GRID1: variants seen among roughly 807,000 people sequenced by gnomAD.
GRID1 encodes the protein glutamate receptor ionotropic, delta-1.
Under a neutral mutation model 98.0 loss-of-function variants are expected in GRID1, and 28 were observed. The observed-to-expected ratio is 0.29, with a 90% CI of 0.21 to 0.39. The LOEUF (loss-of-function observed/expected upper bound fraction) is 0.39, where lower values mean the gene tolerates loss of function less well. Ranked by LOEUF, GRID1 falls within the 10% of genes least tolerant of loss-of-function variation. GRID1 has a pLI of 1.00. For synonymous variants in GRID1, 553 were observed against 538.5 expected, an observed-to-expected ratio of 1.03 and a Z score of -0.37; for missense variants, 1,111 against 1,340.5, an observed-to-expected ratio of 0.83 and a Z score of 2.67.
At chr10:86,144,412 G>T (rs2061041160) in intron 3 of GRID1, among the ~76,000 whole-genome samples, 1 of 152,180 alleles carries the variant, frequency 6.6e-6, no homozygotes, top group Non-Finnish European at 1.5e-5. Flanking sequence ...GGAACTGCCA[G>T]GAAAGGAAGC....
intron 4 of GRID1, among the ~76,000 whole-genome samples, chr10:86,009,291 C>G (rs1465795926): frequency 6.6e-6 from 1 of 152,024 alleles, no homozygotes; most frequent in African/African-American, 2.4e-5. Context: ...CAACTCAATA[C>G]CACAAACGAA....
chr10:85,747,224 A>G (rs1438098945), intron 8 of GRID1, among the ~76,000 whole-genome samples: 1 of 152,058 alleles, frequency 6.6e-6, no homozygotes. Context: ...TCCTCACAAA[A>G]TGCTTCCTAT....
intron 2 of GRID1, among the ~76,000 whole-genome samples, chr10:86,334,215 C>T (rs1197939411): frequency 6.6e-6 from 1 of 152,130 alleles, no homozygotes; most frequent in African/African-American, 2.4e-5. Flanking sequence ...ATAGCACCTG[C>T]TCACATATCA....
At chr10:86,300,071 C>T (rs1847659489) in intron 2 of GRID1, among the ~76,000 whole-genome samples, 2 of 152,102 alleles carry the variant, frequency 1.3e-5, no homozygotes, top group African/African-American at 4.8e-5. Flanking sequence ...TTACATCCAA[C>T]ACCTGGTGTC....
chr10:85,846,587 C>T (rs2131775113), intron 8 of GRID1, among the ~76,000 whole-genome samples: 1 of 151,506 alleles, frequency 6.6e-6, no homozygotes, highest in African/African-American at 2.4e-5. Context: ...AAAAAAAATA[C>T]AAAACATGAT....
At chr10:86,173,126 C>A (rs879558243) in intron 3 of GRID1, among the ~76,000 whole-genome samples, 1 of 152,218 alleles carries the variant, frequency 6.6e-6, no homozygotes, top group Non-Finnish European at 1.5e-5. Flanking sequence ...CAGCCTTGAT[C>A]TCCTGGACTC....
At chr10:85,715,292 A>G (rs1047911597) in intron 12 of GRID1, among the ~76,000 whole-genome samples, 1 of 152,188 alleles carries the variant, frequency 6.6e-6, no homozygotes, top group African/African-American at 2.4e-5. Flanking sequence ...TCCAGAAGAA[A>G]AAAAGCTTTT....
intron 4 of GRID1, among the ~76,000 whole-genome samples, chr10:86,039,414 A>T (rs1187149507): frequency 6.6e-6 from 1 of 152,324 alleles, no homozygotes; most frequent in Non-Finnish European, 1.5e-5. Flanking sequence ...ATGAATCATT[A>T]TGAGGGACCA....
At position 86,359,683 on chromosome 10, in the gene GRID1, C is replaced by T. The variant is rs565523487; in HGVS notation, c.235+4258G>A. ...TATCTACAGCATATCTAATAACTCT[C>T]GTCTTTTACTCACAGTAAAAAGTAA... is the stretch of plus-strand genomic sequence containing the variant. On this transcript the variant is annotated intron_variant, in intron 2 of 15. Transcript: ENST00000327946. Among the ~76,000 whole-genome samples the T allele has an allele frequency of 3.9e-5, 6 of 152,336 alleles. No homozygotes were observed. In the South Asian group the frequency reaches 6.2e-4, roughly 16 times the overall value.
chr10:86,139,127 C>A, intron 3 of GRID1, 103 bp from the exon 4 acceptor site: 1 of 782,870 alleles, frequency 1.3e-6, no homozygotes, highest in Non-Finnish European at 2.1e-6. Flanking sequence ...CAGGCCACCA[C>A]GAAAAATGAG....
intron 2 of GRID1, among the ~76,000 whole-genome samples, chr10:86,248,482 T>C (rs1439370237): frequency 2.0e-5 from 3 of 152,066 alleles, no homozygotes; most frequent in South Asian, 4.2e-4. Flanking sequence ...GTTTTCTTTC[T>C]GCACTGGTCG....
At chr10:86,154,495 A>G (rs1035002017) in intron 3 of GRID1, among the ~76,000 whole-genome samples, 6 of 152,182 alleles carry the variant, frequency 3.9e-5, no homozygotes, top group Non-Finnish European at 7.4e-5. Context: ...TGGTCTCCAG[A>G]AGGGCCCCCG....
At chr10:85,608,023 T>G (rs1333053867) in intron 15 of GRID1, among the ~76,000 whole-genome samples, 1 of 152,074 alleles carries the variant, frequency 6.6e-6, no homozygotes, top group Non-Finnish European at 1.5e-5. Flanking sequence ...TAGCTTTTTT[T>G]GCCCAAGCTG....
chr10:86,301,963 G>C (rs1339445940), intron 2 of GRID1, among the ~76,000 whole-genome samples: 1 of 152,204 alleles, frequency 6.6e-6, no homozygotes, highest in Non-Finnish European at 1.5e-5. Flanking sequence ...CCAAAAATGG[G>C]CTCAGACACA....
Position 86,195,320 on chromosome 10 carries a change from G to A in GRID1, c.520+11044C>T, listed in dbSNP as rs1432248726. ...CTCCTGTAGAGATCAGGTCCCTCAG[G>A]GAGGATTCTTTGCAGTGCTGAGGGG... On this transcript the variant is annotated intron_variant, in intron 3 of 15. Coordinates refer to ENST00000327946, the MANE Select transcript of GRID1 (RefSeq NM_017551.3). The surrounding 1 kb of genome is among the most constrained non-coding windows in gnomAD (Gnocchi z 4.4). Among the ~76,000 whole-genome samples, 2 of 152,040 alleles carry A rather than the reference G, an allele frequency of 1.3e-5. No individual in the cohort carries two copies. Among genetic ancestry groups the A allele is most frequent in the Non-Finnish European group, 2.9e-5 (2 of 67,952 alleles).
intron 3 of GRID1, among the ~76,000 whole-genome samples, chr10:86,180,702 G>T (rs1845643384): frequency 1.3e-5 from 2 of 152,144 alleles, no homozygotes; most frequent in Non-Finnish European, 2.9e-5. Flanking sequence ...CAGGAACAAG[G>T]CGCTGCCTGC....
chr10:85,870,379 T>A (rs1445243348), intron 5 of GRID1, among the ~76,000 whole-genome samples: 1 of 152,236 alleles, frequency 6.6e-6, no homozygotes, highest in East Asian at 1.9e-4. Context: ...GTGGCTTCCC[T>A]ACTTTTGAGG....
chr10:85,883,451 A>G (rs2131804854), intron 5 of GRID1, among the ~76,000 whole-genome samples: 1 of 149,640 alleles, frequency 6.7e-6, no homozygotes, highest in South Asian at 2.1e-4. Flanking sequence ...ACTCATGGTG[A>G]CTTTTTTCTT....
At chr10:86,267,168 A>G (rs1847116618) in intron 2 of GRID1, among the ~76,000 whole-genome samples, 1 of 152,240 alleles carries the variant, frequency 6.6e-6, no homozygotes, top group Admixed American at 6.5e-5. Context: ...ACCTCATGAA[A>G]TATCTCAGCC....
Sources: gnomAD v4.1 joint callset for allele counts (sites outside exome capture counted in the v4.1 genomes callset) on GRCh38, gnomAD v4.1.1 for gene constraint, Gnocchi (gnomAD v3.1) non-coding constraint, MANE v1.5 for transcripts, NCBI Gene and HGNC (gene_info 2026-07-23, HGNC 2026-07-21) for gene names.